Variants in ANO10 observed in about 807,000 individuals in gnomAD.
ANO10 encodes anoctamin 10.
Under a neutral mutation model 74.7 loss-of-function variants are expected in ANO10, and 77 were observed. The observed-to-expected ratio is 1.03, with a 90% CI of 0.86 to 1.25. The LOEUF (loss-of-function observed/expected upper bound fraction) is 1.25, where lower values mean the gene tolerates loss of function less well. Ranked by LOEUF, ANO10 falls within the 50% of genes most tolerant of loss-of-function variation. The probability of loss-of-function intolerance (pLI) is 0.00; values close to 1 mark genes in which losing one functional copy is unlikely to be tolerated. For synonymous variants in ANO10, 279 were observed against 284.9 expected, an observed-to-expected ratio of 0.98 and a Z score of 0.21; for missense variants, 721 against 778.1, an observed-to-expected ratio of 0.93 and a Z score of 0.87.
Position 43,683,014 on chromosome 3 carries a change from C to T in ANO10, c.-12+8503G>A, listed in dbSNP as rs537884477. Among the ~76,000 whole-genome samples, 4 of 152,286 alleles carry T rather than the reference C, an allele frequency of 2.6e-5. No homozygotes were observed. The East Asian group carries it at 7.7e-4, about 29-fold the overall frequency. On this transcript the variant is annotated intron_variant, in intron 1 of 3. Transcript: ENST00000413397. ...AAACTGGAAGCATTCCCTTTGAAAA[C>T]TGGCACAAGACAGGGATGCCGTCTC...
chr3:43,445,122 CAA>C (rs10689478), intron 11 of ANO10, among the ~76,000 whole-genome samples: 19 of 91,532 alleles, frequency 2.1e-4, no homozygotes, highest in African/African-American at 6.1e-4. Context: ...GACTTTGCCT[CAA>C]AAAAAAAAAA....
rs574923993 is a variant in ANO10 at position 43,661,946 on chromosome 3, C to G, written c.-12+29571G>C. Reference sequence around the variant, plus strand: ...CTACAAAGAGACTTAGATTCCCACACAATAATAATGGGAGACTGTAACACC... The same window carrying G: ...CTACAAAGAGACTTAGATTCCCACAGAATAATAATGGGAGACTGTAACACC... On this transcript the variant is annotated intron_variant, in intron 1 of 3. Coordinates refer to the ANO10 transcript ENST00000413397. Among the ~76,000 whole-genome samples, 7 of 152,240 alleles carry G rather than the reference C, an allele frequency of 4.6e-5. No homozygotes were observed. In the East Asian group the frequency reaches 1.3e-3, roughly 29 times the overall value.
chr3:43,484,737 C>T (rs2076398586), intron 11 of ANO10, among the ~76,000 whole-genome samples: 1 of 152,178 alleles, frequency 6.6e-6, no homozygotes, highest in African/African-American at 2.4e-5. Context: ...CTCTTCCCAT[C>T]ATGGCCAAGA....
intron 1 of ANO10, among the ~76,000 whole-genome samples, chr3:43,653,628 A>G (rs2083813326): frequency 2.0e-5 from 3 of 152,250 alleles, no homozygotes; most frequent in Non-Finnish European, 4.4e-5. Flanking sequence ...ATATATTCTT[A>G]TGAATTCTTG....
chr3:43,429,291 T>G lies in ANO10; in HGVS notation c.1914+3320A>C, dbSNP rs150710318. 4.3e-3 allele frequency among the ~76,000 whole-genome samples: 649 copies of G among 152,286 alleles called. 5 individuals are homozygous for G. Among genetic ancestry groups the G allele is most frequent in the African/African-American group, 0.015 (612 of 41,568 alleles). ...TATAATTTCATTCTCTCAAGAAGAA[T>G]CCTTTCCTTTTTAGACAAACAAGTA... On this transcript the variant is annotated intron_variant, in intron 12 of 12. Coordinates refer to ENST00000292246, the MANE Select transcript of ANO10 (RefSeq NM_018075.5).
At chr3:43,392,419 T>G (rs1344581270) in intron 12 of ANO10, among the ~76,000 whole-genome samples, 1 of 152,230 alleles carries the variant, frequency 6.6e-6, no homozygotes, top group Non-Finnish European at 1.5e-5. Context: ...GTTCTGCATC[T>G]TGCAAAATCA....
chr3:43,546,355 T>C (rs1316030892), intron 11 of ANO10, among the ~76,000 whole-genome samples: 1 of 152,134 alleles, frequency 6.6e-6, no homozygotes, highest in Non-Finnish European at 1.5e-5. Context: ...TTTCAAAACA[T>C]ACTACAAAGC....
chr3:43,562,455 C>CAAAAAAAAAAAAAA (rs1169816392), intron 8 of ANO10, among the ~76,000 whole-genome samples: 2,061 of 69,500 alleles, frequency 0.03, 135 homozygotes, highest in Non-Finnish European at 0.032. Flanking sequence ...CTGTCTCAAA[C>CAAAAAAAAAAAAAA]AAAAAAAAAA....
intron 10 of ANO10, among the ~76,000 whole-genome samples, chr3:43,550,660 T>C (rs930492984): frequency 2.6e-5 from 4 of 151,924 alleles, no homozygotes; most frequent in Non-Finnish European, 4.4e-5. Context: ...CATCTTACAA[T>C]TTAGAAATCT....
intron 11 of ANO10, among the ~76,000 whole-genome samples, chr3:43,546,981 C>A (rs186305377): frequency 3.9e-4 from 60 of 152,116 alleles, no homozygotes; most frequent in Middle Eastern, 3.4e-3. Flanking sequence ...AAAAGCTACA[C>A]TAAGGCCCAT....
At chr3:43,382,123 G>A (rs928084243) in intron 12 of ANO10, among the ~76,000 whole-genome samples, 12 of 152,198 alleles carry the variant, frequency 7.9e-5, no homozygotes, top group Non-Finnish European at 1.6e-4. Flanking sequence ...AAATGCCTAC[G>A]TCACAAAGTC....
chr3:43,387,892 C>T, intron 12 of ANO10, among the ~76,000 whole-genome samples: 1 of 152,170 alleles, frequency 6.6e-6, no homozygotes, highest in East Asian at 1.9e-4. Flanking sequence ...GAGAGGCTTC[C>T]TGTGGAGATC....
chr3:43,562,875 G>A (rs1280505054), intron 8 of ANO10, among the ~76,000 whole-genome samples: 5 of 152,028 alleles, frequency 3.3e-5, no homozygotes, highest in African/African-American at 1.2e-4. Context: ...AAAACATAGG[G>A]GAAATACTAC....
intron 11 of ANO10, among the ~76,000 whole-genome samples, chr3:43,527,331 A>T (rs2078249846): frequency 6.6e-6 from 1 of 152,180 alleles, no homozygotes; most frequent in African/African-American, 2.4e-5. Context: ...TATAAATCAA[A>T]ATAAGTATGA....
chr3:43,391,989 T>A (rs1485281507), intron 12 of ANO10, among the ~76,000 whole-genome samples: 1 of 152,140 alleles, frequency 6.6e-6, no homozygotes, highest in Non-Finnish European at 1.5e-5. Flanking sequence ...TCTAAGATAC[T>A]CTAGTATCAC....
intron 1 of ANO10, among the ~76,000 whole-genome samples, chr3:43,627,679 G>C (rs575839452): frequency 4.6e-5 from 7 of 152,166 alleles, no homozygotes; most frequent in African/African-American, 1.7e-4. Flanking sequence ...TTAGGACTCC[G>C]ACCTCTAATA....
chr3:43,633,837 G>A (rs991112261), intron 1 of ANO10, among the ~76,000 whole-genome samples: 1 of 151,792 alleles, frequency 6.6e-6, no homozygotes, highest in African/African-American at 2.4e-5. Context: ...AAGTCCCATG[G>A]GAACATGTGG....
chr3:43,678,857 T>G (rs915763373), intron 1 of ANO10, among the ~76,000 whole-genome samples: 3 of 152,206 alleles, frequency 2.0e-5, no homozygotes, highest in African/African-American at 4.8e-5. Flanking sequence ...AAATTACACA[T>G]TCAATTAAAA....
chr3:43,543,634 G>A (rs888801113), intron 11 of ANO10, among the ~76,000 whole-genome samples: 2 of 152,246 alleles, frequency 1.3e-5, no homozygotes, highest in Admixed American at 6.5e-5. Flanking sequence ...TGATCTGCCC[G>A]CTTCGGCCTC....
Sources: allele counts gnomAD v4.1 joint callset (sites outside exome capture counted in the v4.1 genomes callset), GRCh38; gene constraint gnomAD v4.1.1; transcripts MANE v1.5; gene names NCBI Gene and HGNC (gene_info 2026-07-23, HGNC 2026-07-21).